WIPF3: variants seen among roughly 807,000 people sequenced by gnomAD.
WIPF3 encodes WAS/WASL interacting protein family member 3.
In WIPF3, 33 loss-of-function variants were observed where a neutral mutation model predicts 38.9. The observed-to-expected ratio is 0.85, with a 90% CI of 0.64 to 1.14. The LOEUF is 1.14. Ranked by LOEUF, WIPF3 falls within the 50% of genes most tolerant of loss-of-function variation. The pLI, the probability that WIPF3 is intolerant of heterozygous loss-of-function variation, is 0.00. For missense variants in WIPF3, 711 were observed against 652.5 expected, an observed-to-expected ratio of 1.09 and a Z score of -0.98; for synonymous variants, 324 against 269.3, an observed-to-expected ratio of 1.20 and a Z score of -1.99.
At chr7:29,822,282 T>C (rs566622390) in intron 1 of WIPF3, among the ~76,000 whole-genome samples, 6 of 152,276 alleles carry the variant, frequency 3.9e-5, no homozygotes, top group African/African-American at 1.4e-4. Flanking sequence ...CTTTTTGGCT[T>C]AGGGAGGAAC....
chr7:29,808,047 G>C (rs1022436011), intron 1 of WIPF3, among the ~76,000 whole-genome samples: 2 of 152,136 alleles, frequency 1.3e-5, no homozygotes, highest in Admixed American at 1.3e-4. Flanking sequence ...TCAATACCTG[G>C]ACAGGACATG....
intron 2 of WIPF3, among the ~76,000 whole-genome samples, chr7:29,859,633 C>T (rs1785241667): frequency 6.6e-6 from 1 of 152,060 alleles, no homozygotes. Flanking sequence ...GACACAAGCT[C>T]CCCTGAAATT....
At chr7:29,866,665 C>T (rs1340533576) in intron 2 of WIPF3, among the ~76,000 whole-genome samples, 1 of 152,268 alleles carries the variant, frequency 6.6e-6, no homozygotes, top group African/African-American at 2.4e-5. Flanking sequence ...CTGGCAAAAG[C>T]CTAGCACTTA....
chr7:29,876,689 A>T (rs1378682526), intron 3 of WIPF3, among the ~76,000 whole-genome samples: 1 of 152,264 alleles, frequency 6.6e-6, no homozygotes, highest in Non-Finnish European at 1.5e-5. Flanking sequence ...TAGAAAGTGA[A>T]GGGCTCACTT....
chr7:29,856,994 C>T (rs568221813), intron 2 of WIPF3, among the ~76,000 whole-genome samples: 2 of 152,252 alleles, frequency 1.3e-5, no homozygotes, highest in East Asian at 3.9e-4. Context: ...TCTCTGCCGT[C>T]AGGTAAGACA....
At chr7:29,813,331 A>G (rs961963645) in intron 1 of WIPF3, among the ~76,000 whole-genome samples, 1 of 152,214 alleles carries the variant, frequency 6.6e-6, no homozygotes, top group African/African-American at 2.4e-5. Context: ...GTCTAACAAC[A>G]TCTTTCCTCT....
intron 5 of WIPF3, among the ~76,000 whole-genome samples, chr7:29,885,237 A>G (rs1194581327): frequency 6.6e-6 from 1 of 152,228 alleles, no homozygotes; most frequent in Non-Finnish European, 1.5e-5. Context: ...TTGAGCGTTC[A>G]TGCCCCATGG....
chr7:29,889,884 G>T (rs1248873594), intron 7 of WIPF3, among the ~76,000 whole-genome samples: 1 of 152,298 alleles, frequency 6.6e-6, no homozygotes, highest in South Asian at 2.1e-4. Context: ...TGAAGGCCAG[G>T]TTACATCTAA....
chr7:29,890,229 G>A (rs1390385293), intron 7 of WIPF3, among the ~76,000 whole-genome samples: 2 of 152,080 alleles, frequency 1.3e-5, no homozygotes, highest in Admixed American at 6.5e-5. Context: ...GTGCACACCT[G>A]TAGTCCCAGC....
chr7:29,806,751 C>G (rs1784285964), intron 1 of WIPF3, 73 bp downstream of exon 1: 1 of 151,666 alleles, frequency 6.6e-6, no homozygotes, highest in African/African-American at 2.4e-5. Context: ...GGCCGCCGCC[C>G]TGGTCGGTCC....
In WIPF3 at chr7:29,883,171, A is replaced by G. The variant is rs116255139; in HGVS notation, c.356-679A>G. ...TGAATTTCAAGCTGGGGCAGATGCA[A>G]TGAAGGATCTATAGGATGAGAAAGC... On this transcript the variant is annotated intron_variant, in intron 4 of 8. Transcript: ENST00000242140. Among the ~76,000 whole-genome samples, 950 of 152,306 alleles carry G rather than the reference A, an allele frequency of 6.2e-3. 16 individuals are homozygous for G. The highest frequency in any genetic ancestry group is 0.022 in the African/African-American group (905 of 41,554).
At chr7:29,910,563 A>G (rs1417868591) in intron 8 of WIPF3, among the ~76,000 whole-genome samples, 1 of 152,190 alleles carries the variant, frequency 6.6e-6, no homozygotes, top group African/African-American at 2.4e-5. Flanking sequence ...AAAGGATTAT[A>G]TACCATGACC....
chr7:29,873,385 A>G (rs1785532605), intron 2 of WIPF3, among the ~76,000 whole-genome samples: 1 of 152,158 alleles, frequency 6.6e-6, no homozygotes, highest in African/African-American at 2.4e-5. Flanking sequence ...TTTTTCCCCA[A>G]ATTCCCTGAC....
At chr7:29,813,877 T>C (rs966975593) in intron 1 of WIPF3, among the ~76,000 whole-genome samples, 1 of 152,176 alleles carries the variant, frequency 6.6e-6, no homozygotes, top group African/African-American at 2.4e-5. Context: ...TCTATAGATA[T>C]TTGCTATAAA....
At chr7:29,911,302 G>C (rs960709200) in intron 8 of WIPF3, among the ~76,000 whole-genome samples, 1 of 152,130 alleles carries the variant, frequency 6.6e-6, no homozygotes, top group Non-Finnish European at 1.5e-5. Context: ...TCATGGGTTA[G>C]AAGACATTAT....
intron 1 of WIPF3, among the ~76,000 whole-genome samples, chr7:29,812,466 A>G (rs548761526): frequency 6.6e-6 from 1 of 152,328 alleles, no homozygotes; most frequent in South Asian, 2.1e-4. Flanking sequence ...TGATGACGAT[A>G]TGGCTGCAGT....
At position 29,884,299 on chromosome 7, in the gene WIPF3, C is replaced by T. The variant is rs1583618683; in HGVS notation, c.805C>T (p.Pro269Ser). ...CCCGCCCCCGCTCCCTCTGCTCCCA[C>T]CTTGTGGGTATCCGGGGCTCAAAGC... ...PIPPPLPLLP[P>S]CGYPGLKAEP... The change falls in exon 5 of 9, where the codon CCT becomes TCT. Residue 269 changes from proline (P) to serine (S), a missense_variant. Physicochemically the swap from Pro to Ser is moderately conservative, Grantham distance 74. Transcript: ENST00000242140. 2.6e-6 allele frequency: 4 copies of T among 1,533,148 alleles called. No homozygotes were observed. The East Asian group carries it at 1.0e-4, about 38-fold the overall frequency. 95.0% of individuals were successfully genotyped at this position (1,533,148 alleles called of 1,614,324 possible). A position where few individuals can be genotyped will look rare whatever the true frequency, so the allele number is the denominator to read the frequency against.
intron 2 of WIPF3, among the ~76,000 whole-genome samples, chr7:29,849,719 G>A (rs1424380501): frequency 3.3e-5 from 5 of 152,122 alleles, no homozygotes; most frequent in African/African-American, 1.2e-4. Context: ...AAAAATTTGT[G>A]TGCATACACG....
chr7:29,908,727 G>A (rs995544579), intron 8 of WIPF3, among the ~76,000 whole-genome samples: 2 of 152,046 alleles, frequency 1.3e-5, no homozygotes, highest in African/African-American at 4.8e-5. Flanking sequence ...CCTGGAACAT[G>A]GTGAAAACCC....
Sources: gnomAD v4.1 joint callset for allele counts (sites outside exome capture counted in the v4.1 genomes callset) on GRCh38, gnomAD v4.1.1 for gene constraint, MANE v1.5 for transcripts, NCBI Gene and HGNC (gene_info 2026-07-23, HGNC 2026-07-21) for gene names.